The following ZFAND3 variants were observed in gnomAD, a reference collection of about 807,000 sequenced individuals.
ZFAND3 encodes AN1-type zinc finger protein 3.
In ZFAND3, 10 loss-of-function variants were observed where a neutral mutation model predicts 29.6. That is an observed-to-expected ratio of 0.34 (90% confidence interval 0.21 to 0.57). The LOEUF is 0.57. Ranked by LOEUF, ZFAND3 falls within the 20% of genes least tolerant of loss-of-function variation. The pLI is 0.86. For synonymous variants in ZFAND3, 128 were observed against 112.6 expected (o/e 1.14, Z -0.87); for missense variants, 230 against 304.5 (o/e 0.76, Z 1.82).
intron 2 of ZFAND3, among the ~76,000 whole-genome samples, chr6:37,994,913 G>A (rs567108199): frequency 4.6e-5 from 7 of 152,292 alleles, no homozygotes; most frequent in African/African-American, 1.7e-4. Flanking sequence ...TCTTATCCGG[G>A]GTGGGGGTAA....
chr6:38,033,429 A>G (rs1052008713), intron 2 of ZFAND3, among the ~76,000 whole-genome samples: 4 of 152,142 alleles, frequency 2.6e-5, no homozygotes, highest in Non-Finnish European at 5.9e-5. Flanking sequence ...TGTTTGACCT[A>G]GTTAATAGAA....
At chr6:37,905,009 A>G (rs567503295) in intron 1 of ZFAND3, among the ~76,000 whole-genome samples, 1 of 152,336 alleles carries the variant, frequency 6.6e-6, no homozygotes, top group African/African-American at 2.4e-5. Flanking sequence ...TAAAGGTAAT[A>G]TAAGTACAAT....
intron 1 of ZFAND3, among the ~76,000 whole-genome samples, chr6:37,882,800 T>G (rs1764920491): frequency 6.6e-6 from 1 of 152,240 alleles, no homozygotes; most frequent in South Asian, 2.1e-4. Flanking sequence ...CCTCTTTGTT[T>G]CTATGTCTGT....
chr6:38,079,937 A>G (rs890439106), intron 3 of ZFAND3, among the ~76,000 whole-genome samples: 35 of 151,936 alleles, frequency 2.3e-4, no homozygotes, highest in Non-Finnish European at 2.4e-4. Context: ...ATTTTAATCT[A>G]TGGTTGTTAC....
chr6:38,056,921 A>G (rs1764143874), intron 2 of ZFAND3, among the ~76,000 whole-genome samples: 1 of 152,204 alleles, frequency 6.6e-6, no homozygotes, highest in Admixed American at 6.5e-5. Context: ...ACGTTTTTAA[A>G]TTCAGTTTTT....
chr6:37,908,757 A>G (rs929109231), intron 1 of ZFAND3, among the ~76,000 whole-genome samples: 7 of 150,786 alleles, frequency 4.6e-5, no homozygotes, highest in Non-Finnish European at 1.0e-4. Context: ...AAAAAAAAAA[A>G]AAAGAAAAGT....
At chr6:37,998,872 T>C (rs1762896955) in intron 2 of ZFAND3, among the ~76,000 whole-genome samples, 1 of 152,172 alleles carries the variant, frequency 6.6e-6, no homozygotes, top group South Asian at 2.1e-4. Flanking sequence ...GATGGTTACA[T>C]ATAGAAATAT....
intron 1 of ZFAND3, among the ~76,000 whole-genome samples, chr6:37,847,608 A>G (rs1243221126): frequency 6.6e-6 from 1 of 152,074 alleles, no homozygotes; most frequent in East Asian, 1.9e-4. Flanking sequence ...ATACACAGAA[A>G]GTGTTATGGG....
chr6:37,923,367 T>A (rs1306825966), intron 1 of ZFAND3, among the ~76,000 whole-genome samples: 1 of 152,224 alleles, frequency 6.6e-6, no homozygotes, highest in Non-Finnish European at 1.5e-5. Context: ...ATCACTGTCT[T>A]CTGCTTCCAC....
intron 2 of ZFAND3, among the ~76,000 whole-genome samples, chr6:37,946,486 A>G (rs557333869): frequency 9.8e-5 from 15 of 152,298 alleles, no homozygotes; most frequent in East Asian, 5.8e-4. Flanking sequence ...CAAAATTACA[A>G]TTTTTCCCCC....
Position 38,152,914 on chromosome 6 carries a change from G to A in ZFAND3, c.*525G>A. On this transcript the variant is annotated 3_prime_UTR_variant, in exon 6 of 6. Coordinates refer to ENST00000287218, the MANE Select transcript of ZFAND3 (RefSeq NM_021943.3). ...GGCTGCTGAGATTGGCCACGTGGCT[G>A]GGCTGGGTGGTGGCCTCACTCTCCC... The A allele has an allele frequency of 2.0e-6, 2 of 985,968 alleles. No homozygotes were observed. The highest frequency in any genetic ancestry group is 2.4e-6 in the Non-Finnish European group (2 of 829,996). 61.1% of individuals were successfully genotyped at this position (985,968 alleles called of 1,614,324 possible).
chr6:38,132,209 A>G (rs1765755448), intron 5 of ZFAND3, among the ~76,000 whole-genome samples: 1 of 152,186 alleles, frequency 6.6e-6, no homozygotes, highest in Non-Finnish European at 1.5e-5. Context: ...GTACTTGGAC[A>G]TGAATAAGAT....
rs138162405 is a variant in ZFAND3 at position 37,887,815 on chromosome 6, A to G, written c.72-42144A>G. 3.1e-4 allele frequency among the ~76,000 whole-genome samples: 47 copies of G among 152,334 alleles called. 1 individual carries two copies. The highest frequency in any genetic ancestry group is 4.3e-4 in the Non-Finnish European group (29 of 68,028). Reference sequence around the variant, plus strand: ...AAGTTCTCTTAGCCATTGATTGTAGAAGGAGGAATATGGTTTATTCTTTGA... The same window carrying G: ...AAGTTCTCTTAGCCATTGATTGTAGGAGGAGGAATATGGTTTATTCTTTGA... On this transcript the variant is annotated intron_variant, in intron 1 of 5. Transcript: ENST00000287218.
chr6:37,938,061 A>G (rs1031553908), intron 2 of ZFAND3, among the ~76,000 whole-genome samples: 1 of 152,208 alleles, frequency 6.6e-6, no homozygotes, highest in Admixed American at 6.5e-5. Flanking sequence ...CAACTCAGAG[A>G]CAACTACTCT....
At chr6:37,907,673 T>A (rs553178558) in intron 1 of ZFAND3, among the ~76,000 whole-genome samples, 86 of 152,322 alleles carry the variant, frequency 5.6e-4, no homozygotes, top group African/African-American at 1.9e-3. Context: ...CTATTATGCA[T>A]AATGAACATT....
In ZFAND3 at chr6:38,027,077, G is replaced by A. The variant is rs977879831; in HGVS notation, c.113-34516G>A. Among the ~76,000 whole-genome samples the A allele has an allele frequency of 7.2e-5, 11 of 152,302 alleles. 1 individual carries two copies. Among genetic ancestry groups the A allele is most frequent in the Admixed American group, 3.3e-4 (5 of 15,294 alleles). On this transcript the variant is annotated intron_variant, in intron 2 of 5. Coordinates refer to ENST00000287218, the MANE Select transcript of ZFAND3 (RefSeq NM_021943.3). ...GAAGAGAGGTCTTCAAGAGCCTACA[G>A]GGCTCTAAGGACACAGGTTCTAGTG...
intron 5 of ZFAND3, among the ~76,000 whole-genome samples, chr6:38,135,253 C>T (rs1286901070): frequency 6.6e-6 from 1 of 152,138 alleles, no homozygotes; most frequent in Non-Finnish European, 1.5e-5. Context: ...TTGAGACTGA[C>T]CATGAAATAC....
At chr6:38,004,304 A>G (rs1054315374) in intron 2 of ZFAND3, among the ~76,000 whole-genome samples, 3 of 152,294 alleles carry the variant, frequency 2.0e-5, no homozygotes, top group South Asian at 4.1e-4. Context: ...CCAAGGAGGC[A>G]TTTGATTTCC....
chr6:37,920,479 A>T (rs1329945100), intron 1 of ZFAND3, among the ~76,000 whole-genome samples: 1 of 152,104 alleles, frequency 6.6e-6, no homozygotes, highest in African/African-American at 2.4e-5. Context: ...TGATAATGGG[A>T]CTAGTTTTAC....
Sources: allele counts gnomAD v4.1 joint callset (sites outside exome capture counted in the v4.1 genomes callset), GRCh38; gene constraint gnomAD v4.1.1; transcripts MANE v1.5; gene names NCBI Gene and HGNC (gene_info 2026-07-23, HGNC 2026-07-21).